The following LINGO2 variants were observed in gnomAD, a reference collection of about 807,000 sequenced individuals.
LINGO2 encodes leucine rich repeat and Ig domain containing 2, also known as leucine-rich repeat and immunoglobulin-like domain-containing nogo receptor-interacting protein 2.
In LINGO2, 14 loss-of-function variants were observed where a neutral mutation model predicts 30.6. That is an observed-to-expected ratio of 0.46 (90% CI 0.30 to 0.72). LINGO2 has a LOEUF of 0.72. LINGO2 is among the 30% of genes least tolerant of loss of function. The pLI, the probability that LINGO2 is intolerant of heterozygous loss-of-function variation, is 0.07. For synonymous variants in LINGO2, 317 were observed against 288.5 expected, an observed-to-expected ratio of 1.10 and a Z score of -1.00; for missense variants, 729 against 751.7, an observed-to-expected ratio of 0.97 and a Z score of 0.35.
intron 1 of LINGO2, among the ~76,000 whole-genome samples, chr9:28,560,160 A>G (rs1302019689): frequency 6.6e-6 from 1 of 151,910 alleles, no homozygotes; most frequent in East Asian, 1.9e-4. Context: ...TCTTTTGGGT[A>G]CTGTGAGGAT....
chr9:28,119,237 A>G (rs1827023247), intron 4 of LINGO2, among the ~76,000 whole-genome samples: 1 of 152,160 alleles, frequency 6.6e-6, no homozygotes, highest in African/African-American at 2.4e-5. Context: ...GAGGGTTCCC[A>G]ACCTAGAAAC....
At chr9:28,011,591 G>A (rs1822556197) in intron 5 of LINGO2, among the ~76,000 whole-genome samples, 1 of 152,130 alleles carries the variant, frequency 6.6e-6, no homozygotes, top group Non-Finnish European at 1.5e-5. Flanking sequence ...TCAGGCAGAT[G>A]GGTGAAGTTA....
At chr9:29,090,772 ATTAT>A in the LINGO2 span, among the ~76,000 whole-genome samples, 29,778 of 151,666 alleles carry the variant, frequency 0.2, 3,045 homozygotes, top group African/African-American at 0.24. Flanking sequence ...TAGTAAATTT[ATTAT>A]TTATTTATCC....
chr9:28,636,942 T>C (rs535081164), intron 1 of LINGO2, among the ~76,000 whole-genome samples: 1 of 152,330 alleles, frequency 6.6e-6, no homozygotes, highest in Non-Finnish European at 1.5e-5. Flanking sequence ...TTCTAGGGTT[T>C]TTATGGTTTT....
At chr9:28,733,217 G>A in the LINGO2 span, among the ~76,000 whole-genome samples, 3 of 151,368 alleles carry the variant, frequency 2.0e-5, no homozygotes, top group African/African-American at 7.3e-5. Flanking sequence ...TCTGGAGGGG[G>A]GTAAAAAAAA....
At chr9:28,323,221 G>C (rs73431371) in intron 3 of LINGO2, among the ~76,000 whole-genome samples, 3,992 of 152,230 alleles carry the variant, frequency 0.026, 145 homozygotes, top group African/African-American at 0.09. Context: ...TAAAATCTGT[G>C]GGCCTAATGG....
At chr9:28,053,218 G>GAGGAGAATTACATGAGGAA (rs1824759004) in intron 4 of LINGO2, among the ~76,000 whole-genome samples, 1 of 152,028 alleles carries the variant, frequency 6.6e-6, no homozygotes, top group Admixed American at 6.6e-5. Flanking sequence ...TTTATACTGA[G>GAGGAGAATTACATGAGGAA]TCCTGGAGAA....
the LINGO2 span, among the ~76,000 whole-genome samples, chr9:29,208,051 T>C: frequency 6.6e-6 from 1 of 152,000 alleles, no homozygotes; most frequent in African/African-American, 2.4e-5. Context: ...CCTGGGCAAA[T>C]TCCACTGTAA....
intron 1 of LINGO2, among the ~76,000 whole-genome samples, chr9:28,615,441 C>A (rs1454454807): frequency 6.6e-6 from 1 of 152,068 alleles, no homozygotes; most frequent in Admixed American, 6.6e-5. Context: ...AGTGATGCTG[C>A]CTTAATGAAT....
At chr9:28,703,261 T>C in the LINGO2 span, among the ~76,000 whole-genome samples, 2 of 151,926 alleles carry the variant, frequency 1.3e-5, no homozygotes, top group African/African-American at 4.8e-5. Context: ...TGAAATGCTA[T>C]ATATTTCCCT....
the LINGO2 span, among the ~76,000 whole-genome samples, chr9:28,861,219 A>G: frequency 0.012 from 1,325 of 113,486 alleles, 9 homozygotes; most frequent in Non-Finnish European, 0.016. Context: ...TTTATATAAT[A>G]TTATATAAAT....
At chr9:29,199,807 A>G in the LINGO2 span, among the ~76,000 whole-genome samples, 1 of 152,096 alleles carries the variant, frequency 6.6e-6, no homozygotes, top group African/African-American at 2.4e-5. Context: ...ATTTAGCCCC[A>G]TAGCGCAGGT....
intron 4 of LINGO2, among the ~76,000 whole-genome samples, chr9:28,281,686 A>C (rs1823332214): frequency 6.6e-6 from 1 of 152,100 alleles, no homozygotes; most frequent in Admixed American, 6.6e-5. Flanking sequence ...ATAGCAGCTC[A>C]TACAAGGATA....
chr9:28,993,365 C>A, the LINGO2 span, among the ~76,000 whole-genome samples: 8 of 152,226 alleles, frequency 5.3e-5, no homozygotes, highest in South Asian at 1.7e-3. Flanking sequence ...GAAATTGTGG[C>A]AATAATCAAT....
the LINGO2 span, among the ~76,000 whole-genome samples, chr9:28,840,359 ATC>A: frequency 6.6e-6 from 1 of 151,902 alleles, no homozygotes; most frequent in African/African-American, 2.4e-5. Flanking sequence ...CACTGCTGCC[ATC>A]AATATCAAGT....
intron 1 of LINGO2, among the ~76,000 whole-genome samples, chr9:28,506,102 C>T (rs1309978985): frequency 3.3e-5 from 5 of 151,192 alleles, no homozygotes; most frequent in Admixed American, 3.3e-4. Context: ...AGGTGTTTAC[C>T]TATATGATAT....
the LINGO2 span, among the ~76,000 whole-genome samples, chr9:29,014,683 T>G: frequency 6.6e-6 from 1 of 152,104 alleles, no homozygotes. Context: ...ACAACTACAC[T>G]TAGATATAAC....
At chr9:28,416,767 T>G (rs772082344) in intron 2 of LINGO2, among the ~76,000 whole-genome samples, 6 of 152,176 alleles carry the variant, frequency 3.9e-5, no homozygotes, top group African/African-American at 1.2e-4. Flanking sequence ...CTGCAGAGTA[T>G]AAGAAGACGC....
At chr9:29,198,244 A>C in the LINGO2 span, among the ~76,000 whole-genome samples, 2 of 152,202 alleles carry the variant, frequency 1.3e-5, no homozygotes, top group Admixed American at 6.5e-5. Flanking sequence ...AATAGTTGAC[A>C]AGAACCTTCA....
Sources: gnomAD v4.1 joint callset for allele counts (sites outside exome capture counted in the v4.1 genomes callset) on GRCh38, gnomAD v4.1.1 for gene constraint, MANE v1.5 for transcripts, NCBI Gene and HGNC (gene_info 2026-07-23, HGNC 2026-07-21) for gene names.